The following NEU3 variants were observed in gnomAD, a reference collection of about 807,000 sequenced individuals.
NEU3 encodes sialidase-3.
NEU3 carries 10 observed loss-of-function variants against 11.4 expected under a neutral mutation model. The ratio of observed to expected loss-of-function variants is 0.88; its 90% CI spans 0.54 to 1.49. The LOEUF (loss-of-function observed/expected upper bound fraction) is 1.49, where lower values mean the gene tolerates loss of function less well. Ranked by LOEUF, NEU3 falls within the 40% of genes most tolerant of loss-of-function variation. The probability of loss-of-function intolerance (pLI) is 0.00; values close to 1 mark genes in which losing one functional copy is unlikely to be tolerated. For synonymous variants in NEU3, 212 were observed against 228.2 expected, an observed-to-expected ratio of 0.93 and a Z score of 0.64; for missense variants, 529 against 581.8, an observed-to-expected ratio of 0.91 and a Z score of 0.93.
downstream of NEU3, among the ~76,000 whole-genome samples, chr11:75,013,685 G>C (rs1948969320): frequency 6.6e-6 from 1 of 152,218 alleles, no homozygotes; most frequent in African/African-American, 2.4e-5. Context: ...GTATATTACA[G>C]TATAGGAAGA....
chr11:75,012,165 T>G (rs532158475), downstream of NEU3, among the ~76,000 whole-genome samples: 35 of 152,282 alleles, frequency 2.3e-4, no homozygotes, highest in African/African-American at 8.4e-4. Context: ...TAGCGGGTGG[T>G]AATTCCTCAC....
chr11:75,013,377 T>G (rs1387577609), downstream of NEU3, among the ~76,000 whole-genome samples: 2 of 152,214 alleles, frequency 1.3e-5, no homozygotes, highest in African/African-American at 4.8e-5. Flanking sequence ...CCTTCAGCAC[T>G]GGCAAGATTT....
chr11:75,014,253 G>A (rs1371410), downstream of NEU3, among the ~76,000 whole-genome samples: 39,129 of 152,076 alleles, frequency 0.26, 5,915 homozygotes, highest in East Asian at 0.54. Flanking sequence ...TTCTCTTAAG[G>A]TGTAAACAGA....
chr11:74,986,220 C>G (rs911114917), upstream of NEU3, among the ~76,000 whole-genome samples: 1 of 152,204 alleles, frequency 6.6e-6, no homozygotes, highest in African/African-American at 2.4e-5. Flanking sequence ...TTTATTTACC[C>G]TATTAATGGA....
In NEU3 at chr11:75,005,546, G is replaced by A. The variant is rs374626408; in HGVS notation, c.440G>A (p.Arg147His). ...TGTGTGCGGGGCCATGTCACAGAGC[G>A]TCAACAGATTGTGTCAGGCAGGAAT... ...FICVRGHVTE[R>H]QQIVSGRNAA... The change falls in exon 3 of 3, where the codon CGT (arginine) becomes CAT (histidine). Residue 147 changes from arginine to histidine, a missense_variant. Transcript: ENST00000294064. 1.4e-5 allele frequency: 22 copies of A among 1,613,854 alleles called. No homozygotes were observed. The highest frequency in any genetic ancestry group is 3.3e-5 in the South Asian group (3 of 91,090).
At chr11:74,993,370 AT>A (rs562765468) in intron 1 of NEU3, among the ~76,000 whole-genome samples, 3 of 152,006 alleles carry the variant, frequency 2.0e-5, no homozygotes, top group East Asian at 3.9e-4. Flanking sequence ...CACCCGGCTA[AT>A]TTTTTTGTAT....
upstream of NEU3, among the ~76,000 whole-genome samples, chr11:74,984,219 C>G (rs1396979395): frequency 6.6e-6 from 1 of 152,182 alleles, no homozygotes; most frequent in Non-Finnish European, 1.5e-5. Context: ...GAGGCACTGA[C>G]TATCTTTGTT....
Position 75,006,650 on chromosome 11 carries a change from C to A in NEU3, c.*158C>A. On this transcript the variant is annotated 3_prime_UTR_variant, in exon 3 of 3. Transcript: ENST00000294064. Reference sequence around the variant, plus strand: ...GAGCAAAATGAAAATTTTGCCTTAGCTACTGCAGTGGAAAGAGCACTGAAC... The same window carrying A: ...GAGCAAAATGAAAATTTTGCCTTAGATACTGCAGTGGAAAGAGCACTGAAC... The A allele has an allele frequency of 1.2e-6, 1 of 811,716 alleles. No homozygotes were observed. The allele number at this position is 811,716 out of a possible 1,614,324, so 50.3% of individuals were successfully genotyped here.
chr11:74,986,714 A>C (rs1181742398), upstream of NEU3, among the ~76,000 whole-genome samples: 1 of 152,200 alleles, frequency 6.6e-6, no homozygotes, highest in East Asian at 1.9e-4. Flanking sequence ...TAGATATGTC[A>C]AGACTAATAT....
downstream of NEU3, among the ~76,000 whole-genome samples, chr11:75,019,339 C>G (rs1002543869): frequency 2.0e-5 from 3 of 152,246 alleles, no homozygotes; most frequent in Non-Finnish European, 4.4e-5. Context: ...CCTCCCATCA[C>G]AGGCCTGGAG....
intron 2 of NEU3, among the ~76,000 whole-genome samples, chr11:75,001,191 G>A (rs1324110655): frequency 2.0e-5 from 3 of 151,464 alleles, no homozygotes; most frequent in Non-Finnish European, 2.9e-5. Flanking sequence ...GTGTTTTTTA[G>A]TTGTATTTCC....
intron 2 of NEU3, chr11:74,995,186 A>G (rs1029362717): frequency 5.1e-6 from 2 of 388,758 alleles, no homozygotes; most frequent in Admixed American, 8.1e-5. Flanking sequence ...CTAGTGCTCC[A>G]AGAGGTAAGT....
chr11:75,007,203 G>A lies in NEU3; in HGVS notation c.*711G>A, dbSNP rs1337646899. 1 of 152,166 alleles carries A rather than the reference G, an allele frequency of 6.6e-6. No individual in the cohort carries two copies. Among genetic ancestry groups the A allele is most frequent in the Non-Finnish European group, 1.5e-5 (1 of 68,058 alleles). The allele number at this position is 152,166 out of a possible 1,614,324, so 9.4% of individuals were successfully genotyped here. On this transcript the variant is annotated 3_prime_UTR_variant, in exon 3 of 3. Coordinates refer to ENST00000294064, the MANE Select transcript of NEU3 (RefSeq NM_006656.6). ...GAGAATCTCAATGCCAGTAGTACTG[G>A]ATAATAGTGCGTATTGCTTCTGGTG... is the stretch of plus-strand genomic sequence containing the variant.
rs1277715618 is a variant in NEU3 at position 74,994,721 on chromosome 11, G to A, written c.306+1G>A. 6.2e-7 allele frequency: 1 copy of A among 1,613,416 alleles called. No homozygotes were observed. The highest frequency in any genetic ancestry group is 1.1e-5 in the South Asian group (1 of 91,076). On this transcript the variant is annotated splice_donor_variant, in intron 2 of 2. Transcript: ENST00000294064. LOFTEE classifies it high-confidence loss of function. The stretch of plus-strand genomic sequence containing the variant: ...GTTGAGGATTGGGCAGTTGGTACAG[G>A]TGACTCTTCATCCCAGATCTGAGTC...
chr11:75,011,849 A>C (rs546482998), downstream of NEU3, among the ~76,000 whole-genome samples: 3 of 147,754 alleles, frequency 2.0e-5, no homozygotes, highest in African/African-American at 2.4e-5. Flanking sequence ...TTTTTTTCCT[A>C]AGTTTGCATG....
chr11:74,985,554 T>C (rs1948660501), upstream of NEU3, among the ~76,000 whole-genome samples: 1 of 144,254 alleles, frequency 6.9e-6, no homozygotes, highest in Non-Finnish European at 1.5e-5. Context: ...TGGTTTTTGA[T>C]TGAGAGTCTC....
downstream of NEU3, among the ~76,000 whole-genome samples, chr11:75,019,944 T>C (rs1948996511): frequency 6.6e-6 from 1 of 152,108 alleles, no homozygotes; most frequent in Admixed American, 6.5e-5. Context: ...CGTCAGCTTG[T>C]GAAAGCAGCC....
the NEU3 span, among the ~76,000 whole-genome samples, chr11:74,981,603 A>G: frequency 0.044 from 6,657 of 152,286 alleles, 243 homozygotes; most frequent in South Asian, 0.066. Context: ...GTTGCTGGCT[A>G]TACCATAAGT....
intron 1 of NEU3, among the ~76,000 whole-genome samples, chr11:74,991,462 AG>A (rs1463521341): frequency 6.6e-6 from 1 of 152,214 alleles, no homozygotes; most frequent in African/African-American, 2.4e-5. Flanking sequence ...TGACACTAGG[AG>A]GCTGTAGCCA....
Sources: gnomAD v4.1 joint callset for allele counts (sites outside exome capture counted in the v4.1 genomes callset) on GRCh38, gnomAD v4.1.1 for gene constraint, MANE v1.5 for transcripts, NCBI Gene and HGNC (gene_info 2026-07-23, HGNC 2026-07-21) for gene names.